Variants in STIM2 observed in about 807,000 individuals in gnomAD.
The protein encoded by STIM2 is stromal interaction molecule 2.
Under a neutral mutation model 85.8 loss-of-function variants are expected in STIM2, and 31 were observed. The ratio of observed to expected loss-of-function variants is 0.36; its 90% CI spans 0.27 to 0.49. The LOEUF (loss-of-function observed/expected upper bound fraction) is 0.49. STIM2 is among the 20% of genes least tolerant of loss of function. The pLI is 0.98. For synonymous variants in STIM2, 356 were observed against 331.1 expected (o/e 1.08, Z -0.82); for missense variants, 841 against 927.6 (o/e 0.91, Z 1.21).
At chr4:26,881,830 C>A (rs1031777293) in intron 1 of STIM2, among the ~76,000 whole-genome samples, 2 of 152,086 alleles carry the variant, frequency 1.3e-5, no homozygotes, top group African/African-American at 4.8e-5. Context: ...TTCAGTTTTT[C>A]TTTAAAAAAT....
At chr4:26,901,669 AC>A (rs1408852060) in intron 1 of STIM2, among the ~76,000 whole-genome samples, 2 of 152,158 alleles carry the variant, frequency 1.3e-5, no homozygotes, top group African/African-American at 4.8e-5. Context: ...ATTCACAGGA[AC>A]CCATGAGGGT....
At chr4:26,913,835 A>T (rs1239882173) in intron 1 of STIM2, among the ~76,000 whole-genome samples, 2 of 152,238 alleles carry the variant, frequency 1.3e-5, no homozygotes, top group African/African-American at 4.8e-5. Flanking sequence ...AAGAGGAATG[A>T]TCAAAACAAA....
At position 27,023,687 on chromosome 4, in the gene STIM2, ATGT is replaced by A. The variant is rs1016864208; in HGVS notation, c.*696_*698del. On this transcript the variant is annotated 3_prime_UTR_variant, in exon 12 of 12. Coordinates refer to ENST00000467087, the MANE Select transcript of STIM2 (RefSeq NM_020860.4). ...AGTTTCAAGTCCCGCTGTAAAGATC[ATGT>A]TGTTTTGTTTTCCCCAGGGCTTTCA... is the stretch of plus-strand genomic sequence containing the variant. 3.3e-5 allele frequency: 5 copies of A among 152,600 alleles called. No individual in the cohort carries two copies. Among genetic ancestry groups the A allele is most frequent in the Non-Finnish European group, 7.3e-5 (5 of 68,054 alleles). The allele number at this position is 152,600 out of a possible 1,614,324, so 9.5% of individuals were successfully genotyped here.
At chr4:26,941,531 C>T (rs577468296) in intron 2 of STIM2, among the ~76,000 whole-genome samples, 2 of 152,168 alleles carry the variant, frequency 1.3e-5, no homozygotes, top group East Asian at 1.9e-4. Context: ...CCAGTATTCC[C>T]TGAATATTGA....
chr4:27,007,808 G>A, intron 8 of STIM2, 108 bp downstream of exon 8: 1 of 1,244,022 alleles, frequency 8.0e-7, no homozygotes. Context: ...TATTATTACA[G>A]ATTCTTTTTT....
intron 3 of STIM2, among the ~76,000 whole-genome samples, chr4:26,963,864 A>G (rs1726578470): frequency 6.6e-6 from 1 of 152,232 alleles, no homozygotes; most frequent in African/African-American, 2.4e-5. Context: ...CACAAGAGAT[A>G]ATACATTTTT....
intron 10 of STIM2, among the ~76,000 whole-genome samples, chr4:27,014,474 G>GTT (rs201435716): frequency 1.4e-5 from 2 of 142,772 alleles, no homozygotes; most frequent in African/African-American, 5.2e-5. Context: ...ATGTATGTAT[G>GTT]TTTTTTTTTT....
At chr4:27,019,736 T>C (rs969636848) in intron 11 of STIM2, 8 of 310,160 alleles carry the variant, frequency 2.6e-5, no homozygotes, top group South Asian at 2.0e-4. Context: ...CTATGCCTTA[T>C]GCACATATAT....
chr4:26,922,542 A>G (rs1040180867), intron 2 of STIM2, among the ~76,000 whole-genome samples: 6 of 152,174 alleles, frequency 3.9e-5, no homozygotes, highest in African/African-American at 1.4e-4. Flanking sequence ...TCCAAATAGA[A>G]GAAATGCATA....
At chr4:26,869,530 G>A (rs757485254) in intron 1 of STIM2, among the ~76,000 whole-genome samples, 14 of 151,922 alleles carry the variant, frequency 9.2e-5, no homozygotes, top group Non-Finnish European at 1.9e-4. Context: ...AAACATTTAT[G>A]TATTTATTTA....
In STIM2 at chr4:27,023,244, C is replaced by A; in HGVS notation, c.*248C>A. ...TCATTGAAATGAGACAGTTTACAGT[C>A]ATTTCTGCCTATTTATTTCTGCTTT... On this transcript the variant is annotated 3_prime_UTR_variant, in exon 12 of 12. Coordinates refer to ENST00000467087, the MANE Select transcript of STIM2 (RefSeq NM_020860.4). 1 of 462,896 alleles carries A rather than the reference C, an allele frequency of 2.2e-6. No homozygotes were observed. 28.7% of individuals were successfully genotyped at this position (462,896 alleles called of 1,614,324 possible).
Position 26,878,279 on chromosome 4 carries a change from G to A in STIM2, c.151+16910G>A, listed in dbSNP as rs145701024. Among the ~76,000 whole-genome samples, 765 of 152,110 alleles carry A rather than the reference G, an allele frequency of 5.0e-3. 6 individuals are homozygous for A. The highest frequency in any genetic ancestry group is 0.018 in the African/African-American group (741 of 41,468). On this transcript the variant is annotated intron_variant, in intron 1 of 11. Coordinates refer to ENST00000467087, the MANE Select transcript of STIM2 (RefSeq NM_020860.4). ...TCTTGAGAGTAGAACCTTTTCGGTC[G>A]TCCCTTCTCCCCCTAATCTTTCCCC...
At chr4:26,996,229 TATA>T (rs1727955401) in intron 4 of STIM2, among the ~76,000 whole-genome samples, 1 of 152,036 alleles carries the variant, frequency 6.6e-6, no homozygotes, top group African/African-American at 2.4e-5. Context: ...TACCAAATGA[TATA>T]ATTTAGAAAT....
chr4:26,984,069 G>A (rs1727496095), intron 3 of STIM2, among the ~76,000 whole-genome samples: 1 of 152,144 alleles, frequency 6.6e-6, no homozygotes, highest in Non-Finnish European at 1.5e-5. Flanking sequence ...TTCATTTTAT[G>A]AAGCTTAGTC....
intron 3 of STIM2, 89 bp downstream of exon 3, chr4:26,957,815 C>A (rs908965385): frequency 1.1e-5 from 8 of 717,774 alleles, no homozygotes; most frequent in South Asian, 1.8e-5. Context: ...ATGCTTTTAC[C>A]AAAAAAATCA....
At chr4:26,985,424 A>G (rs985781165) in intron 3 of STIM2, among the ~76,000 whole-genome samples, 1 of 152,218 alleles carries the variant, frequency 6.6e-6, no homozygotes, top group Non-Finnish European at 1.5e-5. Context: ...AAAAGTAGTC[A>G]ATACTGGTGT....
At chr4:26,992,220 A>G (rs777208515) in intron 3 of STIM2, among the ~76,000 whole-genome samples, 1 of 152,180 alleles carries the variant, frequency 6.6e-6, no homozygotes, top group Non-Finnish European at 1.5e-5. Flanking sequence ...AGATTTTCAT[A>G]AGACTTATTA....
chr4:27,021,523 G>T (rs1728911781), intron 11 of STIM2: 1 of 456,808 alleles, frequency 2.2e-6, no homozygotes, highest in African/African-American at 2.0e-5. Context: ...GTTGGAGACA[G>T]CCAGGGACCA....
At chr4:26,940,962 C>T (rs1301604447) in intron 2 of STIM2, among the ~76,000 whole-genome samples, 2 of 152,140 alleles carry the variant, frequency 1.3e-5, no homozygotes, top group African/African-American at 4.8e-5. Context: ...TACTGCTGGT[C>T]CAGGGACCAT....
Sources: gnomAD v4.1 joint callset for allele counts (sites outside exome capture counted in the v4.1 genomes callset) on GRCh38, gnomAD v4.1.1 for gene constraint, MANE v1.5 for transcripts, NCBI Gene and HGNC (gene_info 2026-07-23, HGNC 2026-07-21) for gene names.